The following NFIA variants were observed in gnomAD, a reference collection of about 807,000 sequenced individuals.
The protein encoded by NFIA is nuclear factor 1 A-type.
In NFIA, 8 loss-of-function variants were observed where a neutral mutation model predicts 62.8. That is an observed-to-expected ratio of 0.13 (90% CI 0.07 to 0.23). NFIA has a LOEUF of 0.23. Ranked by LOEUF, NFIA falls within the 10% of genes least tolerant of loss-of-function variation. The probability of loss-of-function intolerance (pLI) is 1.00; values close to 1 mark genes in which losing one functional copy is unlikely to be tolerated. For synonymous variants in NFIA, 235 were observed against 238.1 expected, an observed-to-expected ratio of 0.99 and a Z score of 0.12; for missense variants, 410 against 642.1, an observed-to-expected ratio of 0.64 and a Z score of 3.91.
intron 1 of NFIA, among the ~76,000 whole-genome samples, chr1:61,085,165 G>T (rs150278764): frequency 2.5e-4 from 38 of 151,690 alleles, no homozygotes; most frequent in African/African-American, 9.0e-4. Flanking sequence ...TACTCTAAAT[G>T]AAACTCCATT....
chr1:61,340,680 A>T (rs12034786), intron 4 of NFIA, among the ~76,000 whole-genome samples: 37,157 of 152,074 alleles, frequency 0.24, 4,772 homozygotes, highest in Middle Eastern at 0.27. Flanking sequence ...GGAGCTGACC[A>T]CTATCAGTAA....
chr1:61,354,742 C>T (rs1662737148), intron 5 of NFIA, among the ~76,000 whole-genome samples: 1 of 152,202 alleles, frequency 6.6e-6, no homozygotes, highest in Non-Finnish European at 1.5e-5. Flanking sequence ...TTTCTAGCAT[C>T]TCTATTCCTC....
intron 7 of NFIA, among the ~76,000 whole-genome samples, chr1:61,391,057 T>C (rs540664021): frequency 6.6e-6 from 1 of 152,156 alleles, no homozygotes; most frequent in Admixed American, 6.5e-5. Flanking sequence ...TGTTTGTTTG[T>C]TTGTTTGTTT....
chr1:61,175,072 T>C (rs992203512), intron 2 of NFIA, among the ~76,000 whole-genome samples: 1 of 152,128 alleles, frequency 6.6e-6, no homozygotes, highest in African/African-American at 2.4e-5. Context: ...TATTGAATAT[T>C]AACAGGCCAG....
At chr1:61,303,872 G>T (rs1659617070) in intron 3 of NFIA, among the ~76,000 whole-genome samples, 1 of 152,212 alleles carries the variant, frequency 6.6e-6, no homozygotes, top group Non-Finnish European at 1.5e-5. Flanking sequence ...CAGGAACTGA[G>T]AATAGGAGAA....
At chr1:61,326,951 C>T (rs1350548757) in intron 3 of NFIA, among the ~76,000 whole-genome samples, 1 of 151,736 alleles carries the variant, frequency 6.6e-6, no homozygotes, top group Non-Finnish European at 1.5e-5. Context: ...ATATCTAGGT[C>T]CCATGCCATG....
chr1:61,371,893 CCCTCACAAGTTT>C (rs551308568), intron 6 of NFIA, among the ~76,000 whole-genome samples: 104 of 152,204 alleles, frequency 6.8e-4, no homozygotes, highest in African/African-American at 2.5e-3. Flanking sequence ...AAAGACCTTT[CCCTCACAAGTTT>C]CCTCACAAGT....
At chr1:61,227,281 G>A (rs1266563039) in intron 2 of NFIA, among the ~76,000 whole-genome samples, 1 of 152,140 alleles carries the variant, frequency 6.6e-6, no homozygotes, top group East Asian at 1.9e-4. Flanking sequence ...TTAAATGTTT[G>A]GAAACGTTTG....
At chr1:61,388,665 C>T (rs1297183764) in intron 7 of NFIA, among the ~76,000 whole-genome samples, 1 of 152,190 alleles carries the variant, frequency 6.6e-6, no homozygotes, top group Non-Finnish European at 1.5e-5. Context: ...CCACATTGGG[C>T]AGCACAATTG....
At chr1:61,325,571 T>C (rs1171960863) in intron 3 of NFIA, among the ~76,000 whole-genome samples, 1 of 152,184 alleles carries the variant, frequency 6.6e-6, no homozygotes, top group Non-Finnish European at 1.5e-5. Context: ...ATTATAAACA[T>C]AATCTAGCCA....
intron 7 of NFIA, among the ~76,000 whole-genome samples, chr1:61,387,445 C>T (rs1052675182): frequency 3.3e-5 from 5 of 151,452 alleles, no homozygotes; most frequent in African/African-American, 1.2e-4. Context: ...TCTGCCCATC[C>T]CCCAGATCAG....
chr1:61,174,478 C>G (rs1056186249), intron 2 of NFIA, among the ~76,000 whole-genome samples: 1 of 152,190 alleles, frequency 6.6e-6, no homozygotes, highest in Non-Finnish European at 1.5e-5. Flanking sequence ...GTGCAAGGGG[C>G]AGAGAGATGG....
In NFIA at chr1:61,197,234, C is replaced by CTTT. The variant is rs1002158986; in HGVS notation, c.560-80266_560-80264dup. ...GGCATGCTTATTTACTACTCTGGTT[C>CTTT]TTTTTTTTTTTTTTTTTTTTTTGAG... On this transcript the variant is annotated intron_variant, in intron 2 of 10. Transcript: ENST00000403491. Among the ~76,000 whole-genome samples, 884 of 93,296 alleles carry CTTT rather than the reference C, an allele frequency of 9.5e-3. 8 individuals carry two copies. The highest frequency in any genetic ancestry group is 0.012 in the African/African-American group (276 of 22,792). 61.2% of individuals were successfully genotyped at this position (93,296 alleles called of 152,430 possible).
chr1:61,435,222 G>C (rs973427984), intron 10 of NFIA, among the ~76,000 whole-genome samples: 1 of 152,146 alleles, frequency 6.6e-6, no homozygotes, highest in Non-Finnish European at 1.5e-5. Context: ...CTGACATCCT[G>C]GCTGTGCCAT....
intron 1 of NFIA, 67 bp downstream of exon 1, chr1:61,082,885 G>A (rs1442632535): frequency 2.7e-6 from 4 of 1,461,468 alleles, no homozygotes; most frequent in Admixed American, 2.5e-5. Context: ...GGGGCTGGGT[G>A]GGGGGCACCG....
chr1:61,101,321 G>C (rs1373772956), intron 2 of NFIA, among the ~76,000 whole-genome samples: 1 of 151,774 alleles, frequency 6.6e-6, no homozygotes, highest in African/African-American at 2.4e-5. Flanking sequence ...CTTGAACCCG[G>C]GAGGCAAAGG....
At chr1:61,363,555 G>T (rs1207271344) in intron 6 of NFIA, among the ~76,000 whole-genome samples, 1 of 150,598 alleles carries the variant, frequency 6.6e-6, no homozygotes, top group Non-Finnish European at 1.5e-5. Context: ...AGTGAACCGA[G>T]ATCGTGCCAT....
chr1:61,375,465 G>A (rs1365470008), intron 6 of NFIA, among the ~76,000 whole-genome samples: 3 of 152,210 alleles, frequency 2.0e-5, no homozygotes, highest in Non-Finnish European at 4.4e-5. Flanking sequence ...ACATGTTCAA[G>A]TGTCATTAAT....
Position 61,442,198 on chromosome 1 carries a change from T to C in NFIA, c.1513-13105T>C, listed in dbSNP as rs540520936. Among the ~76,000 whole-genome samples the C allele has an allele frequency of 4.2e-3, 645 of 152,186 alleles. 1 individual carries two copies. Among genetic ancestry groups the C allele is most frequent in the African/African-American group, 0.015 (618 of 41,508 alleles). On this transcript the variant is annotated intron_variant, in intron 10 of 10. Transcript: ENST00000403491. The stretch of plus-strand genomic sequence containing the variant: ...AGGGAGTACAGGAGAGAAGCGTTAC[T>C]CCTCCCGGTGCCAGATTCGCTTCCA...
Sources: allele counts gnomAD v4.1 joint callset (sites outside exome capture counted in the v4.1 genomes callset), GRCh38; gene constraint gnomAD v4.1.1; transcripts MANE v1.5; gene names NCBI Gene and HGNC (gene_info 2026-07-23, HGNC 2026-07-21).